The following ROBO2 variants were observed in gnomAD, a reference collection of about 807,000 sequenced individuals.
ROBO2 encodes the protein roundabout homolog 2.
In ROBO2, 53 loss-of-function variants were observed where a neutral mutation model predicts 160.8. The ratio of observed to expected loss-of-function variants is 0.33; its 90% CI spans 0.26 to 0.41. The LOEUF (loss-of-function observed/expected upper bound fraction) is 0.41. Ranked by LOEUF, ROBO2 falls within the 10% of genes least tolerant of loss-of-function variation. The probability of loss-of-function intolerance (pLI) is 1.00; values close to 1 mark genes in which losing one functional copy is unlikely to be tolerated. For synonymous variants in ROBO2, 664 were observed against 611.7 expected, an observed-to-expected ratio of 1.09 and a Z score of -1.26; for missense variants, 1,577 against 1,722.4, an observed-to-expected ratio of 0.92 and a Z score of 1.49.
intron 2 of ROBO2, among the ~76,000 whole-genome samples, chr3:76,051,851 AT>A (rs1217079734): frequency 2.0e-5 from 3 of 151,956 alleles, no homozygotes; most frequent in Non-Finnish European, 4.4e-5. Flanking sequence ...ATTCCTATAA[AT>A]TTAGTTGATA....
chr3:76,498,478 A>G (rs780749914), intron 2 of ROBO2, among the ~76,000 whole-genome samples: 1 of 152,024 alleles, frequency 6.6e-6, no homozygotes, highest in Non-Finnish European at 1.5e-5. Flanking sequence ...TAAATAAATA[A>G]GTGTGAGGTA....
At chr3:77,201,179 A>T (rs2082873293) in intron 2 of ROBO2, among the ~76,000 whole-genome samples, 1 of 152,224 alleles carries the variant, frequency 6.6e-6, no homozygotes, top group Admixed American at 6.5e-5. Context: ...GATTTTATGT[A>T]ACTTGCTCAA....
intron 23 of ROBO2, chr3:77,630,833 G>A (rs549956614): frequency 6.6e-6 from 1 of 151,918 alleles, no homozygotes; most frequent in East Asian, 1.9e-4. Context: ...TACAAGAGCA[G>A]GCATTTAGAA....
chr3:76,565,959 G>A (rs991977010), intron 2 of ROBO2, among the ~76,000 whole-genome samples: 2 of 152,066 alleles, frequency 1.3e-5, no homozygotes, highest in South Asian at 2.1e-4. Context: ...TAGCCAACGG[G>A]TATTGCCTGG....
At chr3:76,438,152 T>C (rs1053153811) in intron 2 of ROBO2, among the ~76,000 whole-genome samples, 3 of 152,020 alleles carry the variant, frequency 2.0e-5, no homozygotes, top group African/African-American at 7.2e-5. Flanking sequence ...TGAGAAAAAA[T>C]TTATATTCTC....
chr3:77,594,489 T>C (rs530036716), intron 17 of ROBO2, among the ~76,000 whole-genome samples: 3 of 152,318 alleles, frequency 2.0e-5, no homozygotes, highest in East Asian at 3.9e-4. Flanking sequence ...AGTTCCATAG[T>C]TACATGGAGG....
intron 1 of ROBO2, among the ~76,000 whole-genome samples, chr3:77,071,663 T>A (rs530740263): frequency 4.6e-5 from 7 of 152,164 alleles, no homozygotes; most frequent in Non-Finnish European, 1.0e-4. Context: ...GTTGGTTGTG[T>A]GTGTAGATTC....
At chr3:76,085,718 C>T (rs2068990440) in intron 2 of ROBO2, among the ~76,000 whole-genome samples, 1 of 152,132 alleles carries the variant, frequency 6.6e-6, no homozygotes, top group African/African-American at 2.4e-5. Context: ...GCAGTAACAC[C>T]TGTGGGAACC....
At chr3:77,508,087 T>C (rs1203233289) in intron 5 of ROBO2, among the ~76,000 whole-genome samples, 1 of 151,760 alleles carries the variant, frequency 6.6e-6, no homozygotes, top group African/African-American at 2.4e-5. Flanking sequence ...GATTTGATCT[T>C]ATATGAATGT....
intron 2 of ROBO2, among the ~76,000 whole-genome samples, chr3:75,942,540 C>G (rs1948103573): frequency 6.6e-6 from 1 of 151,918 alleles, no homozygotes; most frequent in South Asian, 2.1e-4. Flanking sequence ...ATTATGTTAC[C>G]TAGGTCATTT....
At chr3:77,289,636 G>C (rs1372147922) in intron 2 of ROBO2, among the ~76,000 whole-genome samples, 6 of 151,500 alleles carry the variant, frequency 4.0e-5, no homozygotes, top group Admixed American at 3.3e-4. Context: ...GCTGAGGCTA[G>C]ATCACCAAAG....
At chr3:77,427,338 G>A (rs765333165) in intron 2 of ROBO2, among the ~76,000 whole-genome samples, 28 of 152,186 alleles carry the variant, frequency 1.8e-4, no homozygotes, top group Non-Finnish European at 3.2e-4. Flanking sequence ...GTAAGCACTT[G>A]ATGTATTATT....
At chr3:77,438,168 C>T (rs562965426) in intron 2 of ROBO2, among the ~76,000 whole-genome samples, 17 of 151,330 alleles carry the variant, frequency 1.1e-4, no homozygotes, top group African/African-American at 3.6e-4. Flanking sequence ...CTGTCTCTCT[C>T]GGCCTCTAGA....
intron 2 of ROBO2, among the ~76,000 whole-genome samples, chr3:76,586,934 T>C (rs766030117): frequency 1.3e-5 from 2 of 152,334 alleles, no homozygotes; most frequent in East Asian, 1.9e-4. Context: ...TCAGGGAACA[T>C]GAAAATTGAC....
In ROBO2 at chr3:77,506,359, C is replaced by T. The variant is rs535862497; in HGVS notation, c.806+12977C>T. On this transcript the variant is annotated intron_variant, in intron 5 of 25. Coordinates refer to ENST00000461745, the Ensembl canonical transcript of ROBO2. The stretch of plus-strand genomic sequence containing the variant: ...AACAACTTTCTAAGAGAAAGTAGTG[C>T]TCAGATCATCATTATTATAATTATT... Among the ~76,000 whole-genome samples, 8 of 152,260 alleles carry T rather than the reference C, an allele frequency of 5.3e-5. No individual in the cohort carries two copies. In the South Asian group the frequency reaches 1.7e-3, roughly 32 times the overall value.
At chr3:77,644,865 A>G (rs1400418208) in exon 25 of ROBO2, 4 of 1,613,982 alleles carry the variant, frequency 2.5e-6, no homozygotes, top group African/African-American at 2.7e-5. Flanking sequence ...CATAGGATAT[A>G]TGGGCTCCAA....
intron 2 of ROBO2, among the ~76,000 whole-genome samples, chr3:76,099,534 G>C (rs546389853): frequency 6.6e-6 from 1 of 152,186 alleles, no homozygotes; most frequent in African/African-American, 2.4e-5. Flanking sequence ...GGTTTTGACT[G>C]AAAAGCAGTG....
chr3:77,215,083 T>A (rs980170520), intron 2 of ROBO2, among the ~76,000 whole-genome samples: 30 of 152,154 alleles, frequency 2.0e-4, no homozygotes, highest in Non-Finnish European at 3.7e-4. Context: ...TCAAGGAGTA[T>A]CTTTGTGGCG....
chr3:77,565,529 G>A (rs183824595), intron 12 of ROBO2, among the ~76,000 whole-genome samples: 22 of 152,110 alleles, frequency 1.4e-4, no homozygotes, highest in African/African-American at 4.1e-4. Flanking sequence ...TAGTGCAGTC[G>A]TTCTCACAGT....
Sources: gnomAD v4.1 joint callset for allele counts (sites outside exome capture counted in the v4.1 genomes callset) on GRCh38, gnomAD v4.1.1 for gene constraint, MANE v1.5 for transcripts, NCBI Gene and HGNC (gene_info 2026-07-23, HGNC 2026-07-21) for gene names.